The following MBP variants were observed in gnomAD, a reference collection of about 807,000 sequenced individuals.
MBP encodes the protein myelin basic protein.
In MBP, 16 loss-of-function variants were observed where a neutral mutation model predicts 35.8. That is an observed-to-expected ratio of 0.45 (90% CI 0.30 to 0.68). The LOEUF (loss-of-function observed/expected upper bound fraction) is 0.68. Among genes scored for constraint, MBP ranks in the 30% least tolerant of loss-of-function variants. The pLI, the probability that MBP is intolerant of heterozygous loss-of-function variation, is 0.08. For synonymous variants in MBP, 143 were observed against 159.6 expected (o/e 0.90, Z 0.78); for missense variants, 380 against 404.7 (o/e 0.94, Z 0.52).
At chr18:77,084,409 C>CCA (rs1236289934) in intron 2 of MBP, among the ~76,000 whole-genome samples, 1 of 46,366 alleles carries the variant, frequency 2.2e-5, no homozygotes, top group Non-Finnish European at 5.3e-5. Context: ...CATCACAACA[C>CCA]CGCCCCCCCC....
intron 4 of MBP, chr18:77,014,275 C>T: frequency 1.0e-6 from 1 of 985,462 alleles, no homozygotes; most frequent in Non-Finnish European, 1.2e-6. Context: ...ACATGTGGTA[C>T]CAGCGGCCAT....
At chr18:77,076,450 C>T (rs1974654925) in intron 2 of MBP, among the ~76,000 whole-genome samples, 1 of 152,238 alleles carries the variant, frequency 6.6e-6, no homozygotes, top group Non-Finnish European at 1.5e-5. Context: ...CTGCAGAGGG[C>T]TTGGGCCATG....
Position 77,013,961 on chromosome 18 carries a change from G to T in MBP, c.576+2871C>A, listed in dbSNP as rs556600549. 9.1e-6 allele frequency: 9 copies of T among 985,388 alleles called. 1 individual carries two copies. Among genetic ancestry groups the T allele is most frequent in the Admixed American group, 6.1e-5 (1 of 16,272 alleles). 61.0% of individuals were successfully genotyped at this position (985,388 alleles called of 1,614,324 possible). A position where few individuals can be genotyped will look rare whatever the true frequency, so the allele number is the denominator to read the frequency against. ...ACTGGCACAGAGTGATGCTGGAGAG[G>T]TCACTTAGAGAGAAGCTGCCGGGCC... On this transcript the variant is annotated intron_variant, in intron 4 of 8. Transcript: ENST00000355994.
intron 2 of MBP, among the ~76,000 whole-genome samples, chr18:77,088,356 C>T (rs963528555): frequency 2.6e-5 from 4 of 152,140 alleles, no homozygotes; most frequent in Admixed American, 1.3e-4. Flanking sequence ...GAAGGAGGGG[C>T]CTGTGGACTT....
intron 3 of MBP, among the ~76,000 whole-genome samples, chr18:77,034,461 C>T (rs868078008): frequency 2.0e-5 from 3 of 152,116 alleles, no homozygotes; most frequent in Non-Finnish European, 4.4e-5. Context: ...AGAGTACAGA[C>T]CCCAGTTGAG....
chr18:77,025,925 G>A (rs1427174114), intron 3 of MBP, among the ~76,000 whole-genome samples: 2 of 152,082 alleles, frequency 1.3e-5, no homozygotes, highest in Non-Finnish European at 2.9e-5. Context: ...AGTGGGCAGC[G>A]GGTTACTCCC....
At chr18:77,050,172 A>G (rs969565553) in intron 3 of MBP, among the ~76,000 whole-genome samples, 11 of 152,222 alleles carry the variant, frequency 7.2e-5, no homozygotes, top group Non-Finnish European at 8.8e-5. Flanking sequence ...CTTGACTTCA[A>G]GAAATCACAT....
chr18:77,039,516 G>T (rs1972900002), intron 3 of MBP, among the ~76,000 whole-genome samples: 1 of 152,198 alleles, frequency 6.6e-6, no homozygotes, highest in African/African-American at 2.4e-5. Flanking sequence ...ACCAGAAGAT[G>T]AATGTAAGGT....
At chr18:77,030,418 C>G (rs759575956) in intron 3 of MBP, among the ~76,000 whole-genome samples, 3 of 152,104 alleles carry the variant, frequency 2.0e-5, no homozygotes, top group Non-Finnish European at 4.4e-5. Context: ...CAGGAAGGGA[C>G]GGGAAGCTTT....
At chr18:76,981,508 G>T (rs1969199065) in intron 8 of MBP, 1 of 152,140 alleles carries the variant, frequency 6.6e-6, no homozygotes, top group Non-Finnish European at 1.5e-5. Context: ...CTTCTTGGGG[G>T]GTTTTCCAAG....
At position 76,988,377 on chromosome 18, in the gene MBP, C is replaced by G; in HGVS notation, c.750+118G>C. The G allele has an allele frequency of 1.2e-6, 2 of 1,613,142 alleles. No homozygotes were observed. Among genetic ancestry groups the G allele is most frequent in the Non-Finnish European group, 1.7e-6 (2 of 1,179,492 alleles). On this transcript the variant is annotated intron_variant, in intron 7 of 8. Transcript: ENST00000355994. The surrounding 1 kb of genome is among the most constrained non-coding windows in gnomAD (Gnocchi z 5.2). ...CGATCCCAGCTGTGGGCAGAGAGGT[C>G]TCGAGAGGAGAGAAAAGGAGGCCAG...
intron 1 of MBP, among the ~76,000 whole-genome samples, chr18:77,127,067 T>A (rs1977074535): frequency 6.6e-6 from 1 of 152,284 alleles, no homozygotes; most frequent in South Asian, 2.1e-4. Context: ...GAACCTACAA[T>A]AGCTAACATA....
chr18:77,072,543 C>G (rs540123371), intron 2 of MBP, among the ~76,000 whole-genome samples: 1 of 152,232 alleles, frequency 6.6e-6, no homozygotes, highest in Non-Finnish European at 1.5e-5. Context: ...TCATACTTTT[C>G]TATGTGGTCA....
At chr18:77,008,865 C>T (rs536425578) in intron 4 of MBP, among the ~76,000 whole-genome samples, 5 of 152,336 alleles carry the variant, frequency 3.3e-5, no homozygotes, top group African/African-American at 9.6e-5. Context: ...TTTTGGCATC[C>T]GCAGGCGTCC....
chr18:77,132,171 C>A (rs959823093), intron 1 of MBP, among the ~76,000 whole-genome samples: 3 of 152,186 alleles, frequency 2.0e-5, no homozygotes, highest in Admixed American at 6.5e-5. Context: ...CTCAGCCCCA[C>A]GGCCCGAGGC....
upstream of MBP, chr18:77,132,957 G>C (rs1977336416): frequency 1.3e-5 from 2 of 152,076 alleles, no homozygotes; most frequent in Non-Finnish European, 2.9e-5. Context: ...TGCCCACGCG[G>C]AACTTGGGGG....
chr18:77,100,365 C>A (rs77505520), intron 2 of MBP, among the ~76,000 whole-genome samples: 1 of 152,182 alleles, frequency 6.6e-6, no homozygotes, highest in South Asian at 2.1e-4. Context: ...GAAGAAATGT[C>A]GGTCTTTTAA....
Position 77,101,302 on chromosome 18 carries a change from G to A in MBP, c.51+3909C>T, listed in dbSNP as rs1167806118. ...TAAGATGGAGAACCAAATACAAAAT[G>A]GGCAGAGTGATAGAAAGCTGGTAAA... is the stretch of plus-strand genomic sequence containing the variant. On this transcript the variant is annotated intron_variant, in intron 2 of 8. Transcript: ENST00000355994. This position sits in a 1 kb window ranked among gnomAD's most constrained non-coding sequence, Gnocchi z 4.3. 6.6e-6 allele frequency among the ~76,000 whole-genome samples: 1 copy of A among 152,212 alleles called. No individual in the cohort carries two copies. The highest frequency in any genetic ancestry group is 2.4e-5 in the African/African-American group (1 of 41,452).
chr18:77,017,029 T>C lies in MBP; in HGVS notation c.379A>G (p.Thr127Ala). ...LQTIQEDSAA[T>A]SESLDVMASQ... The stretch of plus-strand genomic sequence containing the variant: ...GCCATCACATCCAGGCTCTCGGAGG[T>C]GGCTGCACTGTCTTCTTGGATGGTC... Residue 127 changes from threonine to alanine, a missense_variant, in exon 4 of 9, where the codon ACC becomes GCC. By Grantham distance (58) the Thr-to-Ala change is moderately conservative. Transcript: ENST00000355994. 3 of 1,613,962 alleles carry C rather than the reference T, an allele frequency of 1.9e-6. No individual in the cohort carries two copies. The highest frequency in any genetic ancestry group is 2.5e-6 in the Non-Finnish European group (3 of 1,180,010).
Sources: allele counts gnomAD v4.1 joint callset (sites outside exome capture counted in the v4.1 genomes callset), GRCh38; gene constraint gnomAD v4.1.1; non-coding constraint Gnocchi (gnomAD v3.1); transcripts MANE v1.5; gene names NCBI Gene and HGNC (gene_info 2026-07-23, HGNC 2026-07-21).